The following NIPAL3 variants were observed in gnomAD, a reference collection of about 807,000 sequenced individuals.
NIPAL3 encodes the protein NIPA like domain containing 3.
In NIPAL3, 41 loss-of-function variants were observed where a neutral mutation model predicts 47.2. The observed-to-expected ratio is 0.87, with a 90% CI of 0.68 to 1.13. The LOEUF (loss-of-function observed/expected upper bound fraction) is 1.13. NIPAL3 is among the 50% of genes most tolerant of loss of function. NIPAL3 has a pLI of 0.00. For synonymous variants in NIPAL3, 194 were observed against 209.6 expected (o/e 0.93, Z 0.64); for missense variants, 449 against 530.1 (o/e 0.85, Z 1.50).
intron 7 of NIPAL3, among the ~76,000 whole-genome samples, chr1:24,455,850 C>A (rs540747583): frequency 4.6e-5 from 7 of 152,362 alleles, no homozygotes; most frequent in Admixed American, 4.6e-4. Flanking sequence ...ACTGAACTTA[C>A]TGCCCATGCT....
chr1:24,459,806 C>A (rs965098631), intron 9 of NIPAL3, among the ~76,000 whole-genome samples: 1 of 152,216 alleles, frequency 6.6e-6, no homozygotes, highest in Non-Finnish European at 1.5e-5. Flanking sequence ...AGCGTGAAGT[C>A]CAGTCAAGGT....
intron 3 of NIPAL3, 109 bp from the exon 4 acceptor site, chr1:24,441,946 C>A (rs1234124483): frequency 2.6e-6 from 3 of 1,138,134 alleles, no homozygotes; most frequent in Non-Finnish European, 3.8e-6. Flanking sequence ...AAGAACCTGA[C>A]AAGTCTTCCC....
Position 24,440,187 on chromosome 1 carries a change from G to A in NIPAL3, c.109G>A (p.Ala37Thr), listed in dbSNP as rs200419498. 7 of 1,588,502 alleles carry A rather than the reference G, an allele frequency of 4.4e-6. No homozygotes were observed. The South Asian group carries it at 4.6e-5, about 10-fold the overall frequency. The change falls in exon 3 of 12, where the codon GCC becomes ACC. Residue 37 changes from alanine (A) to threonine (T), a missense_variant. Transcript: ENST00000374399. ...TTCCTTACAGGAAAACCTGATTGGC[G>A]CCCTCTTGGCGATCTTCGGGCACCT... ...SFSYKENLIG[A>T]LLAIFGHLVV...
At chr1:24,464,003 C>G in intron 10 of NIPAL3, 23 bp from the exon 11 acceptor site, 1 of 1,599,316 alleles carries the variant, frequency 6.3e-7, no homozygotes, top group Non-Finnish European at 8.5e-7. Context: ...TATTTCTCTT[C>G]CTATCTTATC....
rs147193388 is a variant in NIPAL3 at position 24,442,175 on chromosome 1, G to A, written c.283G>A (p.Ala95Thr). 612 of 1,614,102 alleles carry A rather than the reference G, an allele frequency of 3.8e-4. No individual in the cohort carries two copies. The highest frequency in any genetic ancestry group is 4.4e-4 in the Non-Finnish European group (522 of 1,180,002). ...LGELGVFASY[A>T]FAPLSLIVPL... is the part of the protein sequence containing the mutation. ...CGAGCTGGGTGTGTTCGCCTCCTAC[G>A]CCTTCGCGCCGCTGTCACTCATCGT... Residue 95 changes from alanine (A) to threonine (T), a missense_variant, in exon 4 of 12, where the codon GCC becomes ACC. Transcript: ENST00000374399.
Position 24,445,261 on chromosome 1 carries a change from G to T in NIPAL3, c.394+17G>T. The T allele has an allele frequency of 6.4e-7, 1 of 1,574,642 alleles. No homozygotes were observed. Among genetic ancestry groups the T allele is most frequent in the South Asian group, 1.1e-5 (1 of 90,058 alleles). On this transcript the variant is annotated intron_variant, in intron 5 of 11. Coordinates refer to ENST00000374399, the MANE Select transcript of NIPAL3 (RefSeq NM_020448.5). Reference sequence around the variant, plus strand: ...ACTTTCTGAGTAAGTTCAGTGATTTGAGCTGTGTCCTTGATTTTATATGAA... The same window carrying T: ...ACTTTCTGAGTAAGTTCAGTGATTTTAGCTGTGTCCTTGATTTTATATGAA...
intron 2 of NIPAL3, among the ~76,000 whole-genome samples, chr1:24,439,630 T>C (rs1645283945): frequency 6.6e-6 from 1 of 152,198 alleles, no homozygotes; most frequent in African/African-American, 2.4e-5. Context: ...AATGAATATA[T>C]GTTTGGTAAT....
chr1:24,424,811 G>T (rs1644500569), intron 2 of NIPAL3, among the ~76,000 whole-genome samples: 1 of 152,176 alleles, frequency 6.6e-6, no homozygotes, highest in Non-Finnish European at 1.5e-5. Flanking sequence ...GGCAGACATG[G>T]TTTCTGAGGC....
chr1:24,430,377 A>G (rs7539147), intron 2 of NIPAL3, among the ~76,000 whole-genome samples: 64,974 of 151,632 alleles, frequency 0.43, 15,224 homozygotes, highest in African/African-American at 0.64. Flanking sequence ...CAGCCTCCAA[A>G]TAGCTAGGAT....
intron 8 of NIPAL3, 105 bp from the exon 9 acceptor site, chr1:24,458,783 C>A: frequency 2.3e-6 from 2 of 865,742 alleles, no homozygotes; most frequent in Non-Finnish European, 3.9e-6. Context: ...AAGGAACATT[C>A]CTAAATGTAT....
At chr1:24,460,975 A>G (rs1438843171) in intron 10 of NIPAL3, among the ~76,000 whole-genome samples, 1 of 152,196 alleles carries the variant, frequency 6.6e-6, no homozygotes, top group Non-Finnish European at 1.5e-5. Context: ...AAATCCAAAC[A>G]AGCATACTTT....
intron 2 of NIPAL3, chr1:24,421,701 G>C (rs928017488): frequency 2.0e-5 from 3 of 152,190 alleles, no homozygotes; most frequent in African/African-American, 7.2e-5. Flanking sequence ...CTGCCTCCTG[G>C]TGGTGGTGAG....
chr1:24,442,767 A>G (rs1442539937), intron 4 of NIPAL3, among the ~76,000 whole-genome samples: 2 of 152,170 alleles, frequency 1.3e-5, no homozygotes, highest in East Asian at 1.9e-4. Context: ...CCTGGGCAAC[A>G]TGGAGAGACC....
chr1:24,417,470 C>T (rs1557477516), intron 1 of NIPAL3, among the ~76,000 whole-genome samples: 1 of 152,170 alleles, frequency 6.6e-6, no homozygotes, highest in East Asian at 1.9e-4. Flanking sequence ...TTCACATGTA[C>T]GTGAAAGTAT....
chr1:24,426,382 C>A (rs570465825), intron 2 of NIPAL3, among the ~76,000 whole-genome samples: 1 of 152,082 alleles, frequency 6.6e-6, no homozygotes, highest in Non-Finnish European at 1.5e-5. Context: ...GCAACCTCTA[C>A]CTTCTGGGAT....
At chr1:24,448,585 C>G (rs540831856) in intron 5 of NIPAL3, among the ~76,000 whole-genome samples, 1 of 152,100 alleles carries the variant, frequency 6.6e-6, no homozygotes, top group South Asian at 2.1e-4. Flanking sequence ...GTGATTTTAG[C>G]TTTAAAATGT....
Position 24,454,025 on chromosome 1 carries a change from T to C in NIPAL3, c.637+521T>C. On this transcript the variant is annotated intron_variant, in intron 7 of 11. Coordinates refer to ENST00000374399, the MANE Select transcript of NIPAL3 (RefSeq NM_020448.5). The surrounding 1 kb of genome is among the most constrained non-coding windows in gnomAD (Gnocchi z 4.1). Reference sequence around the variant, plus strand: ...GCTTGAGGCTAGAACTGCATATTAATTTTTCCTTTTTTTTTTTTTTTGAGA... The same window carrying C: ...GCTTGAGGCTAGAACTGCATATTAACTTTTCCTTTTTTTTTTTTTTTGAGA... The C allele has an allele frequency of 2.2e-6, 1 of 457,988 alleles. No individual in the cohort carries two copies. The highest frequency in any genetic ancestry group is 7.8e-5 in the East Asian group (1 of 12,760). The allele number at this position is 457,988 out of a possible 1,614,324, so 28.4% of individuals were successfully genotyped here.
intron 8 of NIPAL3, 134 bp downstream of exon 8, chr1:24,456,407 G>A (rs898863406): frequency 7.9e-7 from 1 of 1,271,340 alleles, no homozygotes; most frequent in Non-Finnish European, 1.1e-6. Flanking sequence ...CATGGAGAGA[G>A]GAGCTGCTAA....
intron 2 of NIPAL3, among the ~76,000 whole-genome samples, chr1:24,421,275 C>T (rs868195703): frequency 3.9e-5 from 6 of 151,904 alleles, no homozygotes; most frequent in Non-Finnish European, 7.4e-5. Flanking sequence ...TCATTTGAGC[C>T]AGGGAGGAAG....
Sources: gnomAD v4.1 joint callset for allele counts (sites outside exome capture counted in the v4.1 genomes callset) on GRCh38, gnomAD v4.1.1 for gene constraint, Gnocchi (gnomAD v3.1) non-coding constraint, MANE v1.5 for transcripts, NCBI Gene and HGNC (gene_info 2026-07-23, HGNC 2026-07-21) for gene names.